Variants in TCTN1 observed in about 807,000 individuals in gnomAD.
TCTN1 encodes tectonic-1.
TCTN1 carries 58 observed loss-of-function variants against 65.8 expected under a neutral mutation model. The observed-to-expected ratio is 0.88, with a 90% CI of 0.71 to 1.10. The LOEUF (loss-of-function observed/expected upper bound fraction) is 1.10. Ranked by LOEUF, TCTN1 falls within the 50% of genes least tolerant of loss-of-function variation. The pLI, the probability that TCTN1 is intolerant of heterozygous loss-of-function variation, is 0.00. For missense variants in TCTN1, 645 were observed against 719.4 expected (o/e 0.90, Z 1.18); for synonymous variants, 273 against 289.1 (o/e 0.94, Z 0.57).
rs745624307 is a variant in TCTN1 at position 110,614,380 on chromosome 12, C to T, written c.198C>T (p.Pro66=). Residue 66 remains proline, a synonymous_variant, in exon 1 of 15, where the codon CCC becomes CCT. Transcript: ENST00000397659. ...TPRAPGPSSG[P]RPTPVTDVAV... ...GGGCTCCAGGGCCCTCCTCCGGCCC[C>T]AGGCCTACCCCAGTCACGGACGGTG... 1.2e-6 allele frequency: 2 copies of T among 1,602,774 alleles called. No homozygotes were observed. The highest frequency in any genetic ancestry group is 1.7e-6 in the Non-Finnish European group (2 of 1,175,256).
intron 12 of TCTN1, 109 bp from the exon 13 acceptor site, chr12:110,647,087 A>T: frequency 7.4e-7 from 1 of 1,358,660 alleles, no homozygotes; most frequent in Non-Finnish European, 1.0e-6. Context: ...GAGTCTATTC[A>T]TTTTCTTGTT....
At chr12:110,648,583 A>AAAAT (rs1175529359) in intron 14 of TCTN1, 2 of 158,924 alleles carry the variant, frequency 1.3e-5, no homozygotes, top group African/African-American at 4.8e-5. Context: ...TGAGTACAAA[A>AAAAT]AAATAGCAAA....
chr12:110,626,083 T>G (rs2065820718), intron 2 of TCTN1, among the ~76,000 whole-genome samples: 1 of 150,874 alleles, frequency 6.6e-6, no homozygotes. Context: ...TCTTTTTTCT[T>G]TCTTTCTTTC....
intron 4 of TCTN1, 56 bp from the exon 5 acceptor site, chr12:110,632,416 G>A (rs755146349): frequency 2.4e-5 from 38 of 1,582,096 alleles, no homozygotes; most frequent in Non-Finnish European, 3.3e-5. Flanking sequence ...TGCCCAGTAA[G>A]TGTTGAATGA....
intron 12 of TCTN1, chr12:110,645,401 G>A (rs759192695): frequency 2.2e-6 from 1 of 462,278 alleles, no homozygotes; most frequent in Non-Finnish European, 4.0e-6. Context: ...GGTTAAGTGA[G>A]GTAACATTTA....
In TCTN1 at chr12:110,647,251, A is replaced by G; in HGVS notation, c.1550A>G (p.Lys517Arg). 6.2e-7 allele frequency: 1 copy of G among 1,614,200 alleles called. No homozygotes were observed. The highest frequency in any genetic ancestry group is 8.5e-7 in the Non-Finnish European group (1 of 1,180,036). ...QLPGALVIEV[K>R]WTKYGSLLNP... ...CCAGGGGCTTTGGTTATAGAAGTGA[A>G]GTGGACTAAATACGGATCCCTGCTG... The change falls in exon 13 of 15, where the codon AAG becomes AGG. Residue 517 changes from lysine to arginine, a missense_variant. By Grantham distance (26) the Lys-to-Arg change is conservative. Transcript: ENST00000397659.
intron 2 of TCTN1, 47 bp downstream of exon 2, chr12:110,620,003 A>T (rs779140766): frequency 6.2e-7 from 1 of 1,613,992 alleles, no homozygotes; most frequent in Non-Finnish European, 8.5e-7. Flanking sequence ...TTTGACCAGG[A>T]TAATACAATT....
intron 2 of TCTN1, among the ~76,000 whole-genome samples, chr12:110,623,924 G>A (rs112907193): frequency 5.9e-5 from 9 of 152,052 alleles, no homozygotes; most frequent in African/African-American, 2.2e-4. Context: ...ACAAATTGGG[G>A]TATTAATAGG....
chr12:110,618,807 AAGAT>A (rs1167118717), intron 1 of TCTN1, among the ~76,000 whole-genome samples: 1 of 152,202 alleles, frequency 6.6e-6, no homozygotes, highest in Non-Finnish European at 1.5e-5. Context: ...TTGACAGAAT[AAGAT>A]AGAGAATTAA....
intron 4 of TCTN1, chr12:110,630,071 C>CA (rs1487989836): frequency 6.6e-6 from 1 of 152,054 alleles, no homozygotes; most frequent in Non-Finnish European, 1.5e-5. Context: ...AGGGGCCTGT[C>CA]AGAGGGTGGT....
rs551998442 is a variant in TCTN1 at position 110,620,068 on chromosome 12, T to C, written c.341+112T>C. The C allele has an allele frequency of 6.2e-4, 944 of 1,511,384 alleles. 6 individuals are homozygous for C. In the South Asian group the frequency reaches 0.01, roughly 16 times the overall value. The allele number at this position is 1,511,384 out of a possible 1,614,324, so 93.6% of individuals were successfully genotyped here. ...AAAACCCAAACCTGATTTCCAGTGT[T>C]TTACGTCGTTCTGAAGCCATACCGT... On this transcript the variant is annotated intron_variant, in intron 2 of 14. Transcript: ENST00000397659.
chr12:110,647,056 C>G (rs890239649), intron 12 of TCTN1, 140 bp from the exon 13 acceptor site: 2 of 976,486 alleles, frequency 2.0e-6, no homozygotes, highest in Admixed American at 4.6e-5. Flanking sequence ...ATTCTCTAAG[C>G]TGTTTTTATC....
At chr12:110,633,527 C>T (rs2066363653) in intron 5 of TCTN1, among the ~76,000 whole-genome samples, 1 of 151,896 alleles carries the variant, frequency 6.6e-6, no homozygotes, top group South Asian at 2.1e-4. Context: ...GTTCCAGCTA[C>T]TCAGGAGGCT....
Position 110,647,803 on chromosome 12 carries a change from G to A in TCTN1, c.1690G>A (p.Asp564Asn). 1 of 1,614,198 alleles carries A rather than the reference G, an allele frequency of 6.2e-7. No homozygotes were observed. The highest frequency in any genetic ancestry group is 1.1e-5 in the South Asian group (1 of 91,086). ...ILISTAVTFV[D>N]VSAPAEAGFR... The stretch of plus-strand genomic sequence containing the variant: ...TATTTCCACTGCGGTTACTTTTGTG[G>A]ATGTGTCTGCACCTGCAGAGGCAGG... Residue 564 changes from aspartate to asparagine, a missense_variant, in exon 14 of 15, where the codon GAT becomes AAT. By Grantham distance (23) the Asp-to-Asn change is conservative. Coordinates refer to ENST00000397659, the MANE Select transcript of TCTN1 (RefSeq NM_001082538.3).
At chr12:110,624,110 C>CA (rs1395305587) in intron 2 of TCTN1, among the ~76,000 whole-genome samples, 5 of 145,180 alleles carry the variant, frequency 3.4e-5, no homozygotes, top group Non-Finnish European at 7.5e-5. Flanking sequence ...TTTTTAGAGA[C>CA]AAAATCTCAC....
At chr12:110,637,462 G>A (rs976678039) in intron 7 of TCTN1, among the ~76,000 whole-genome samples, 3 of 152,220 alleles carry the variant, frequency 2.0e-5, no homozygotes, top group Admixed American at 1.3e-4. Context: ...TGTCTTCTGT[G>A]AAGGGTGGGA....
chr12:110,623,352 A>G (rs1257676981), intron 2 of TCTN1, among the ~76,000 whole-genome samples: 1 of 152,150 alleles, frequency 6.6e-6, no homozygotes. Context: ...TCTGATTTCT[A>G]CTTATCCTTT....
At chr12:110,645,408 T>G in intron 12 of TCTN1, 1 of 449,418 alleles carries the variant, frequency 2.2e-6, no homozygotes, top group Non-Finnish European at 4.1e-6. Flanking sequence ...TGAGGTAACA[T>G]TTATGTGGCC....
intron 3 of TCTN1, chr12:110,627,969 G>A (rs1397973970): frequency 3.6e-6 from 5 of 1,389,886 alleles, no homozygotes; most frequent in Non-Finnish European, 4.9e-6. Flanking sequence ...AGTGATAACT[G>A]GCCAGTGACT....
Sources: allele counts gnomAD v4.1 joint callset (sites outside exome capture counted in the v4.1 genomes callset), GRCh38; gene constraint gnomAD v4.1.1; transcripts MANE v1.5; gene names NCBI Gene and HGNC (gene_info 2026-07-23, HGNC 2026-07-21).